Variants in TMC5 observed in about 807,000 individuals in gnomAD.
TMC5 encodes transmembrane channel like 5.
Under a neutral mutation model 110.5 loss-of-function variants are expected in TMC5, and 86 were observed. The ratio of observed to expected loss-of-function variants is 0.78; its 90% confidence interval spans 0.65 to 0.93. The LOEUF (loss-of-function observed/expected upper bound fraction) is 0.93, where lower values mean the gene tolerates loss of function less well. Among genes scored for constraint, TMC5 ranks in the 40% least tolerant of loss-of-function variants. TMC5 has a pLI of 0.00. For synonymous variants in TMC5, 455 were observed against 439.5 expected (o/e 1.04, Z -0.44); for missense variants, 1,144 against 1,222.8 (o/e 0.94, Z 0.96).
chr16:19,442,955 A>T (rs1304283103), intron 3 of TMC5, among the ~76,000 whole-genome samples: 1 of 152,182 alleles, frequency 6.6e-6, no homozygotes, highest in Non-Finnish European at 1.5e-5. Context: ...TTCATCGTCC[A>T]TGGGTCCCCA....
At chr16:19,454,795 C>T (rs1967827487) in intron 5 of TMC5, among the ~76,000 whole-genome samples, 1 of 152,162 alleles carries the variant, frequency 6.6e-6, no homozygotes, top group African/African-American at 2.4e-5. Flanking sequence ...GTGCCTGGCA[C>T]TGGAACAGAA....
intron 11 of TMC5, among the ~76,000 whole-genome samples, chr16:19,473,906 G>A (rs1243589450): frequency 6.6e-6 from 1 of 152,152 alleles, no homozygotes; most frequent in Non-Finnish European, 1.5e-5. Flanking sequence ...CTTGAACCGA[G>A]GAAGTGGAAG....
At chr16:19,480,544 C>T (rs1968592356) in intron 14 of TMC5, among the ~76,000 whole-genome samples, 2 of 152,116 alleles carry the variant, frequency 1.3e-5, no homozygotes, top group Admixed American at 1.3e-4. Flanking sequence ...GTGACTCATA[C>T]CTGTAATCCC....
chr16:19,480,729 C>T (rs1373778665), intron 14 of TMC5, among the ~76,000 whole-genome samples: 6 of 148,842 alleles, frequency 4.0e-5, no homozygotes, highest in African/African-American at 4.9e-5. Flanking sequence ...CGCTTGAACC[C>T]GGGAGATGGA....
intron 14 of TMC5, among the ~76,000 whole-genome samples, chr16:19,480,963 C>T (rs763217877): frequency 2.6e-5 from 4 of 151,474 alleles, no homozygotes; most frequent in Non-Finnish European, 5.9e-5. Context: ...CACAGGGAAA[C>T]ATAATTTGAT....
Position 19,440,491 on chromosome 16 carries a change from A to G in TMC5, c.453A>G (p.Thr151=). 6.2e-7 allele frequency: 1 copy of G among 1,614,170 alleles called. No individual in the cohort carries two copies. The highest frequency in any genetic ancestry group is 1.1e-5 in the South Asian group (1 of 91,078). ...SSSGNYAGSR[T]HPDHFGSLEP... ...GTGGAAACTATGCAGGCTCCAGAAC[A>G]CATCCAGATCATTTTGGCTCCTTAG... is the stretch of plus-strand genomic sequence containing the variant. Residue 151 remains threonine, a synonymous_variant, in exon 3 of 22, where the codon ACA becomes ACG. Coordinates refer to ENST00000542583, the MANE Select transcript of TMC5 (RefSeq NM_001261841.2).
chr16:19,456,340 AT>A (rs1967872256), intron 5 of TMC5: 3 of 369,004 alleles, frequency 8.1e-6, no homozygotes, highest in Non-Finnish European at 1.1e-5. Context: ...ATAAAAAAAA[AT>A]CTTGCCCTTT....
chr16:19,412,314 C>T, intron 1 of TMC5, among the ~76,000 whole-genome samples: 1 of 151,746 alleles, frequency 6.6e-6, no homozygotes, highest in East Asian at 1.9e-4. Flanking sequence ...TCAAAAGATC[C>T]TCCTGCCTCA....
intron 13 of TMC5, 76 bp from the exon 14 acceptor site, chr16:19,479,355 A>G (rs1268749199): frequency 3.6e-6 from 4 of 1,112,736 alleles, no homozygotes; most frequent in Non-Finnish European, 4.1e-6. Flanking sequence ...TGATGGGTAC[A>G]TAGAGCCAGG....
At chr16:19,411,699 C>T (rs564338023) in intron 1 of TMC5, 2 of 152,316 alleles carry the variant, frequency 1.3e-5, no homozygotes, top group Admixed American at 1.3e-4. Flanking sequence ...TACGTGTCCC[C>T]CTACTAATGT....
chr16:19,433,934 C>T (rs914693858), intron 2 of TMC5, among the ~76,000 whole-genome samples: 7 of 144,910 alleles, frequency 4.8e-5, no homozygotes, highest in Non-Finnish European at 7.5e-5. Context: ...GATCCTCCCG[C>T]CTAGCCTCCT....
intron 9 of TMC5, among the ~76,000 whole-genome samples, chr16:19,468,693 T>C (rs1842385917): frequency 6.6e-6 from 1 of 151,952 alleles, no homozygotes; most frequent in Non-Finnish European, 1.5e-5. Context: ...CCTGCTGGCT[T>C]TGAAGTTGGA....
At chr16:19,458,774 G>A (rs1422199793) in intron 5 of TMC5, among the ~76,000 whole-genome samples, 2 of 152,082 alleles carry the variant, frequency 1.3e-5, no homozygotes, top group East Asian at 3.9e-4. Context: ...CTCATCCTCA[G>A]CAGAGAGATT....
chr16:19,450,002 T>C (rs1196160072), intron 5 of TMC5, among the ~76,000 whole-genome samples: 1 of 152,154 alleles, frequency 6.6e-6, no homozygotes, highest in Non-Finnish European at 1.5e-5. Flanking sequence ...AACAGACTAA[T>C]ACAGTAAGAC....
intron 2 of TMC5, among the ~76,000 whole-genome samples, chr16:19,434,796 T>C (rs1265121726): frequency 2.6e-5 from 4 of 152,190 alleles, no homozygotes; most frequent in African/African-American, 9.7e-5. Context: ...TTCTGTGCCT[T>C]ATCTTGTTCA....
chr16:19,434,293 ATT>A (rs1235796851), intron 2 of TMC5, among the ~76,000 whole-genome samples: 1 of 123,810 alleles, frequency 8.1e-6, no homozygotes, highest in African/African-American at 3.1e-5. Flanking sequence ...TATAATATAT[ATT>A]ATATGATCTA....
rs56004428 is a variant in TMC5, at chr16:19,475,144, G to A, written c.2090+868G>A. ...GTTTATAAGTACAGGTCTGTAGGCC[G>A]GGCATGGTGGCTCATGCCTGTAATC... is the stretch of plus-strand genomic sequence containing the variant. On this transcript the variant is annotated intron_variant, in intron 12 of 21. Transcript: ENST00000542583. Among the ~76,000 whole-genome samples, 1,383 of 152,294 alleles carry A rather than the reference G, an allele frequency of 9.1e-3. 14 individuals are homozygous for A. Among genetic ancestry groups the A allele is most frequent in the African/African-American group, 0.031 (1,268 of 41,564 alleles).
intron 4 of TMC5, 101 bp from the exon 5 acceptor site, chr16:19,449,441 T>A (rs1278896396): frequency 2.1e-6 from 2 of 961,288 alleles, no homozygotes; most frequent in Non-Finnish European, 3.3e-6. Flanking sequence ...TCAGTCTTAT[T>A]AGCCGTTACG....
intron 1 of TMC5, among the ~76,000 whole-genome samples, chr16:19,424,253 C>G (rs770475780): frequency 1.3e-5 from 2 of 152,214 alleles, no homozygotes; most frequent in Non-Finnish European, 2.9e-5. Context: ...TAGAATGGCT[C>G]ACACAACTCA....
Sources: gnomAD v4.1 joint callset for allele counts (sites outside exome capture counted in the v4.1 genomes callset) on GRCh38, gnomAD v4.1.1 for gene constraint, MANE v1.5 for transcripts, NCBI Gene and HGNC (gene_info 2026-07-23, HGNC 2026-07-21) for gene names.